OCA2: variants seen among roughly 807,000 people sequenced by gnomAD.
OCA2 encodes the protein OCA2 melanosomal transmembrane protein, also known as P protein.
Under a neutral mutation model 100.2 loss-of-function variants are expected in OCA2, and 77 were observed. The ratio of observed to expected loss-of-function variants is 0.77; its 90% CI spans 0.64 to 0.93. The LOEUF (loss-of-function observed/expected upper bound fraction) is 0.93. Among genes scored for constraint, OCA2 ranks in the 40% least tolerant of loss-of-function variants. The pLI is 0.00. For synonymous variants in OCA2, 432 were observed against 439.2 expected (o/e 0.98, Z 0.21); for missense variants, 1,062 against 1,089.1 (o/e 0.98, Z 0.35).
intron 12 of OCA2, among the ~76,000 whole-genome samples, 188 bp downstream of exon 12, chr15:27,986,399 G>T (rs1394492072): frequency 6.6e-6 from 1 of 152,146 alleles, no homozygotes; most frequent in African/African-American, 2.4e-5. Flanking sequence ...CTGAGCAGCT[G>T]AAAGTGCTGC....
chr15:27,721,413 T>C, the OCA2 span, among the ~76,000 whole-genome samples: 1 of 152,158 alleles, frequency 6.6e-6, no homozygotes, highest in Non-Finnish European at 1.5e-5. Flanking sequence ...TACATCACAT[T>C]ATACGTGACA....
At chr15:27,983,633 GAACAACTGC>G in intron 13 of OCA2, 150 bp from the exon 14 acceptor site, 1 of 834,144 alleles carries the variant, frequency 1.2e-6, no homozygotes. Flanking sequence ...TGGGGGGAAT[GAACAACTGC>G]AACAACCCCC....
chr15:27,989,129 T>C lies in OCA2; in HGVS notation c.1182+472A>G, dbSNP rs16950691. Reference sequence around the variant, plus strand: ...ACTAGTGAGTCCCACACTAGCCCGCTTGGGCACTTCGAGATCCTGCAGGTG... The same window carrying C: ...ACTAGTGAGTCCCACACTAGCCCGCCTGGGCACTTCGAGATCCTGCAGGTG... On this transcript the variant is annotated intron_variant, in intron 11 of 23. Coordinates refer to ENST00000354638, the MANE Select transcript of OCA2 (RefSeq NM_000275.3). Among the ~76,000 whole-genome samples the C allele has an allele frequency of 8.6e-3, 1,306 of 152,236 alleles. 22 individuals are homozygous for C. Among genetic ancestry groups the C allele is most frequent in the African/African-American group, 0.03 (1,236 of 41,538 alleles).
chr15:28,067,120 T>C (rs1426329490), intron 2 of OCA2, among the ~76,000 whole-genome samples: 1 of 152,228 alleles, frequency 6.6e-6, no homozygotes, highest in African/African-American at 2.4e-5. Flanking sequence ...CACATTTAGC[T>C]CAGAATAAAT....
At chr15:27,839,004 A>G (rs1007158916) in intron 23 of OCA2, among the ~76,000 whole-genome samples, 22 of 152,214 alleles carry the variant, frequency 1.4e-4, no homozygotes, top group Non-Finnish European at 5.9e-5. Flanking sequence ...GGGTGGAGGA[A>G]AAAATGAATG....
At chr15:28,088,597 A>T (rs866637411) in intron 1 of OCA2, among the ~76,000 whole-genome samples, 1 of 152,214 alleles carries the variant, frequency 6.6e-6, no homozygotes, top group African/African-American at 2.4e-5. Context: ...TACAAAAGAG[A>T]GAAATTTTAA....
chr15:27,921,679 TA>T (rs1732706654), intron 19 of OCA2, among the ~76,000 whole-genome samples: 2 of 152,176 alleles, frequency 1.3e-5, no homozygotes, highest in South Asian at 4.1e-4. Context: ...ACCAATAACA[TA>T]AACAGTCAAT....
At chr15:27,885,349 C>T (rs775427133) in intron 19 of OCA2, among the ~76,000 whole-genome samples, 9 of 152,130 alleles carry the variant, frequency 5.9e-5, no homozygotes, top group Non-Finnish European at 1.0e-4. Context: ...GTCCCACTGG[C>T]AGAGACACAA....
At chr15:27,960,905 C>CAAA (rs758989766) in intron 15 of OCA2, among the ~76,000 whole-genome samples, 36 of 105,552 alleles carry the variant, frequency 3.4e-4, no homozygotes, top group South Asian at 2.1e-3. Flanking sequence ...GGCTCCATCT[C>CAAA]AAAAAAAAAA....
At chr15:27,831,465 C>T (rs1261187633) in intron 23 of OCA2, among the ~76,000 whole-genome samples, 2 of 152,146 alleles carry the variant, frequency 1.3e-5, no homozygotes, top group African/African-American at 2.4e-5. Flanking sequence ...GCGGACCTGC[C>T]GCGCACGTAA....
intron 4 of OCA2, among the ~76,000 whole-genome samples, chr15:28,025,498 C>A (rs755901971): frequency 6.6e-6 from 1 of 152,200 alleles, no homozygotes; most frequent in Non-Finnish European, 1.5e-5. Context: ...CCATGACCCC[C>A]AAGGCCCTAT....
intron 23 of OCA2, among the ~76,000 whole-genome samples, chr15:27,826,934 G>A (rs1470485359): frequency 1.1e-4 from 16 of 152,226 alleles, no homozygotes; most frequent in Non-Finnish European, 1.5e-5. Context: ...ACATCCTACA[G>A]GAGAACTCAG....
chr15:27,719,787 G>A, the OCA2 span, among the ~76,000 whole-genome samples: 6 of 152,334 alleles, frequency 3.9e-5, no homozygotes, highest in East Asian at 1.2e-3. Flanking sequence ...GGAAGTGCAA[G>A]ATTGGGTGGC....
At chr15:27,828,160 C>T (rs1311450469) in intron 23 of OCA2, among the ~76,000 whole-genome samples, 4 of 152,178 alleles carry the variant, frequency 2.6e-5, no homozygotes, top group Admixed American at 2.0e-4. Flanking sequence ...TCCTACCTCC[C>T]GAACCCCTAC....
chr15:27,752,805 C>A (rs1468536403), downstream of OCA2, among the ~76,000 whole-genome samples: 2 of 12,298 alleles, frequency 1.6e-4, no homozygotes, highest in Non-Finnish European at 2.4e-4. Context: ...CCCCCACCCC[C>A]CCCCCCCCCC....
rs751276270 is a variant in OCA2, at chr15:27,907,968, T to C, written c.2079+18159A>G. On this transcript the variant is annotated intron_variant, in intron 19 of 23. Coordinates refer to ENST00000354638, the MANE Select transcript of OCA2 (RefSeq NM_000275.3). ...TAGTCACAATTATCTATAAATTATT[T>C]CAGATTATTGAAAAGAAGGTAAATT... 2.6e-5 allele frequency among the ~76,000 whole-genome samples: 4 copies of C among 152,214 alleles called. No homozygotes were observed. In the East Asian group the frequency reaches 7.7e-4, roughly 29 times the overall value.
intron 23 of OCA2, among the ~76,000 whole-genome samples, chr15:27,829,841 G>T (rs928801214): frequency 6.6e-6 from 1 of 152,200 alleles, no homozygotes; most frequent in African/African-American, 2.4e-5. Context: ...GAATCCAGTT[G>T]CAGCTATTTT....
At chr15:27,758,381 G>C (rs917903988) in intron 23 of OCA2, among the ~76,000 whole-genome samples, 3 of 152,178 alleles carry the variant, frequency 2.0e-5, no homozygotes, top group African/African-American at 7.2e-5. Flanking sequence ...GGCCAAGTGG[G>C]AACCAGAACT....
intron 23 of OCA2, among the ~76,000 whole-genome samples, chr15:27,816,966 A>G (rs2034326883): frequency 2.6e-5 from 4 of 151,944 alleles, no homozygotes; most frequent in Non-Finnish European, 2.9e-5. Flanking sequence ...CCCTTCCCCT[A>G]TGTCTCCGCT....
Sources: allele counts gnomAD v4.1 joint callset (sites outside exome capture counted in the v4.1 genomes callset), GRCh38; gene constraint gnomAD v4.1.1; transcripts MANE v1.5; gene names NCBI Gene and HGNC (gene_info 2026-07-23, HGNC 2026-07-21).